Variants in STKLD1 observed in about 807,000 individuals in gnomAD.
STKLD1 encodes serine/threonine kinase like domain containing 1, also known as serine/threonine kinase-like domain-containing protein STKLD1.
STKLD1 carries 79 observed loss-of-function variants against 80.4 expected under a neutral mutation model. That is an observed-to-expected ratio of 0.98 (90% CI 0.82 to 1.19). The LOEUF (loss-of-function observed/expected upper bound fraction) is 1.19, where lower values mean the gene tolerates loss of function less well. Among genes scored for constraint, STKLD1 ranks in the 50% most tolerant of loss-of-function variants. The pLI, the probability that STKLD1 is intolerant of heterozygous loss-of-function variation, is 0.00. For missense variants in STKLD1, 841 were observed against 856.0 expected, an observed-to-expected ratio of 0.98 and a Z score of 0.22; for synonymous variants, 393 against 357.6, an observed-to-expected ratio of 1.10 and a Z score of -1.12.
rs911691100 is a variant in STKLD1 at position 133,389,767 on chromosome 9, G to A, written c.467+171G>A. 2.0e-5 allele frequency among the ~76,000 whole-genome samples: 3 copies of A among 152,228 alleles called. No individual in the cohort carries two copies. Among genetic ancestry groups the A allele is most frequent in the South Asian group, 4.1e-4 (2 of 4,834 alleles). On this transcript the variant is annotated intron_variant, in intron 6 of 17. Transcript: ENST00000371957. This position sits in a 1 kb window ranked among gnomAD's most constrained non-coding sequence, Gnocchi z 6.4. ...AGAGCTCCTCCCGGGCTTGAAAGAG[G>A]CTCTTCCAAGTGGTCTCAAGCCATG...
chr9:133,403,976 C>T lies in STKLD1; in HGVS notation c.1660C>T (p.Arg554Trp), dbSNP rs200455830. The T allele has an allele frequency of 1.5e-5, 24 of 1,611,370 alleles. No individual in the cohort carries two copies. The highest frequency in any genetic ancestry group is 3.3e-5 in the South Asian group (3 of 90,852). Residue 554 changes from arginine (R) to tryptophan (W), a missense_variant, in exon 16 of 18, where the codon CGG (arginine) becomes TGG (tryptophan). Coordinates refer to ENST00000371957, the MANE Select transcript of STKLD1 (RefSeq NM_153710.5). ...GGTGGCGCTGCTCCTGCAAAGCATC[C>T]GGCTGTGCCAGGACAGAGCCCTGCT... ...QVVALLLQSI[R>W]LCQDRALLVN...
Position 133,397,307 on chromosome 9 carries a change from A to C in STKLD1, c.997+13A>C. The C allele has an allele frequency of 6.2e-7, 1 of 1,612,550 alleles. No homozygotes were observed. The highest frequency in any genetic ancestry group is 8.5e-7 in the Non-Finnish European group (1 of 1,179,934). On this transcript the variant is annotated intron_variant, in intron 10 of 17. Coordinates refer to ENST00000371957, the MANE Select transcript of STKLD1 (RefSeq NM_153710.5). Reference sequence around the variant, plus strand: ...GCCAGCATTTTAGGTGATGCTGGGGACACAAAGGGGGAGCGTGCCCTGAAG... The same window carrying C: ...GCCAGCATTTTAGGTGATGCTGGGGCCACAAAGGGGGAGCGTGCCCTGAAG...
Position 133,390,387 on chromosome 9 carries a change from A to G in STKLD1, c.468-294A>G, listed in dbSNP as rs2130286517. ...GATATCTAAGGAGGTGAATGTGTCA[A>G]TTAAGGGGCCTCTTCGGAGTGCTGG... On this transcript the variant is annotated intron_variant, in intron 6 of 17. Transcript: ENST00000371957. The surrounding 1 kb of genome is among the most constrained non-coding windows in gnomAD (Gnocchi z 5.1). Among the ~76,000 whole-genome samples the G allele has an allele frequency of 6.6e-6, 1 of 152,308 alleles. No individual in the cohort carries two copies. The highest frequency in any genetic ancestry group is 2.4e-5 in the African/African-American group (1 of 41,560).
In STKLD1 at chr9:133,377,316, G is replaced by A. The variant is rs2130253421; in HGVS notation, c.87+756G>A. Among the ~76,000 whole-genome samples the A allele has an allele frequency of 9.9e-5, 15 of 152,198 alleles. No individual in the cohort carries two copies. In the South Asian group the frequency reaches 3.1e-3, roughly 32 times the overall value. On this transcript the variant is annotated intron_variant, in intron 1 of 17. Coordinates refer to ENST00000371957, the MANE Select transcript of STKLD1 (RefSeq NM_153710.5). ...GCTCCATTTTACTGTTTAATTTGCT[G>A]CCTAAGCTTGAACGCTCTCACACCA... is the stretch of plus-strand genomic sequence containing the variant.
intron 7 of STKLD1, chr9:133,393,955 G>T: frequency 3.7e-6 from 1 of 270,596 alleles, no homozygotes. Context: ...GTTTAGAGGG[G>T]TGCACAGTTT....
In STKLD1 at chr9:133,397,865, G is replaced by C. The variant is rs369488383; in HGVS notation, c.998-107G>C. The C allele has an allele frequency of 6.1e-6, 5 of 820,668 alleles. No homozygotes were observed. In the African/African-American group the frequency reaches 6.8e-5, roughly 11 times the overall value. The allele number at this position is 820,668 out of a possible 1,614,324, so 50.8% of individuals were successfully genotyped here. On this transcript the variant is annotated intron_variant, in intron 10 of 17. Coordinates refer to ENST00000371957, the MANE Select transcript of STKLD1 (RefSeq NM_153710.5). ...CCTCTCATCCTGAACCTGTGGATCT[G>C]AGGAGGGGATGCACACACAGCAGCC...
chr9:133,398,132 G>A, intron 11 of STKLD1, 77 bp downstream of exon 11: 2 of 1,432,904 alleles, frequency 1.4e-6, no homozygotes, highest in Admixed American at 1.9e-5. Flanking sequence ...GGGGAGCTGA[G>A]GCTGGCCCTC....
At chr9:133,395,004 T>A (rs1053460631) in intron 8 of STKLD1, among the ~76,000 whole-genome samples, 1 of 152,140 alleles carries the variant, frequency 6.6e-6, no homozygotes, top group Admixed American at 6.5e-5. Context: ...TGTCGCTTCC[T>A]ATCCTCTATA....
chr9:133,384,060 G>C lies in STKLD1; in HGVS notation c.219+160G>C. The stretch of plus-strand genomic sequence containing the variant: ...TCAGCTGTGAAGCCAGCAGCCCCAG[G>C]TCATGAAGGGAGTCCATGCCCCAAA... On this transcript the variant is annotated intron_variant, in intron 3 of 17. Transcript: ENST00000371957. The surrounding 1 kb of genome is among the most constrained non-coding windows in gnomAD (Gnocchi z 4.3). 1 of 656,426 alleles carries C rather than the reference G, an allele frequency of 1.5e-6. No homozygotes were observed. The highest frequency in any genetic ancestry group is 2.7e-5 in the East Asian group (1 of 37,240). The allele number at this position is 656,426 out of a possible 1,614,324, so 40.7% of individuals were successfully genotyped here. A position where few individuals can be genotyped will look rare whatever the true frequency, so the allele number is the denominator to read the frequency against.
intron 9 of STKLD1, chr9:133,395,965 G>A: frequency 1.9e-6 from 1 of 533,848 alleles, no homozygotes; most frequent in South Asian, 2.7e-5. Flanking sequence ...AATGTACGGT[G>A]GAGTGAGCAG....
intron 2 of STKLD1, among the ~76,000 whole-genome samples, chr9:133,379,683 G>A (rs889618229): frequency 6.6e-6 from 1 of 152,246 alleles, no homozygotes; most frequent in African/African-American, 2.4e-5. Flanking sequence ...CAGGGCATGG[G>A]GAGGTGTAGG....
At position 133,385,179 on chromosome 9, in the gene STKLD1, C is replaced by T. The variant is rs1463196457; in HGVS notation, c.220-438C>T. Among the ~76,000 whole-genome samples the T allele has an allele frequency of 6.6e-6, 1 of 152,240 alleles. No homozygotes were observed. The highest frequency in any genetic ancestry group is 2.4e-5 in the African/African-American group (1 of 41,456). ...CTCCATGTCTCTAAGGCAGCCCTATCTGCTCCTGTTTGGGCATGTTTCAAA... is the reference window on the plus strand; with the variant it reads ...CTCCATGTCTCTAAGGCAGCCCTATTTGCTCCTGTTTGGGCATGTTTCAAA... On this transcript the variant is annotated intron_variant, in intron 3 of 17. Transcript: ENST00000371957. The surrounding 1 kb of genome is among the most constrained non-coding windows in gnomAD (Gnocchi z 4.9).
At chr9:133,396,338 G>C (rs958162852) in intron 9 of STKLD1, among the ~76,000 whole-genome samples, 1 of 152,224 alleles carries the variant, frequency 6.6e-6, no homozygotes, top group Non-Finnish European at 1.5e-5. Context: ...GGGAGGCTGA[G>C]GCAGGAGGAT....
chr9:133,387,905 G>A, intron 5 of STKLD1: 1 of 476,346 alleles, frequency 2.1e-6, no homozygotes, highest in Non-Finnish European at 4.2e-6. Context: ...GCCTGCTGTT[G>A]TGAGCCCCGC....
At chr9:133,404,954 C>T (rs369709313) in intron 17 of STKLD1, 25 bp downstream of exon 17, 8 of 1,609,792 alleles carry the variant, frequency 5.0e-6, no homozygotes, top group Non-Finnish European at 6.8e-6. Flanking sequence ...TCACCTCACA[C>T]TCCCTAGAGC....
chr9:133,404,452 A>G (rs76238963), intron 16 of STKLD1, among the ~76,000 whole-genome samples: 1 of 152,146 alleles, frequency 6.6e-6, no homozygotes, highest in African/African-American at 2.4e-5. Context: ...CTCGGCCCAC[A>G]GCACAGTCCT....
At position 133,401,741 on chromosome 9, in the gene STKLD1, T is replaced by A; in HGVS notation, c.1202T>A (p.Leu401Gln). 1 of 1,612,176 alleles carries A rather than the reference T, an allele frequency of 6.2e-7. No homozygotes were observed. The highest frequency in any genetic ancestry group is 8.5e-7 in the Non-Finnish European group (1 of 1,179,742). The change falls in exon 13 of 18, where the codon CTG becomes CAG. Residue 401 changes from leucine (L) to glutamine (Q), a missense_variant. Leu to Gln is a moderately radical substitution (Grantham distance 113). Transcript: ENST00000371957. ...SLLLHLLGQA[L>Q]VHHPEAKAPC... The stretch of plus-strand genomic sequence containing the variant: ...CGTCTTCCTCTGGCTTGAGCAGCGC[T>A]GGTGCACCACCCGGAAGCCAAGGCT...
In STKLD1 at chr9:133,389,597, G is replaced by A. The variant is rs2130284614; in HGVS notation, c.467+1G>A. 8.1e-6 allele frequency: 13 copies of A among 1,613,418 alleles called. No individual in the cohort carries two copies. The African/African-American group carries it at 1.1e-4, about 13-fold the overall frequency. ...TGCACCATTTGGACATCATCCACAGGTAAGTGGGGCCCCTGACCTCTGCGG... is the reference window on the plus strand; with the variant it reads ...TGCACCATTTGGACATCATCCACAGATAAGTGGGGCCCCTGACCTCTGCGG... On this transcript the variant is annotated splice_donor_variant, in intron 6 of 17. Coordinates refer to ENST00000371957, the MANE Select transcript of STKLD1 (RefSeq NM_153710.5). LOFTEE classifies it high-confidence loss of function. The surrounding 1 kb of genome is among the most constrained non-coding windows in gnomAD (Gnocchi z 6.4).
rs981022773 is a variant in STKLD1 at position 133,394,558 on chromosome 9, G to A, written c.702+149G>A. The A allele has an allele frequency of 1.5e-6, 1 of 663,496 alleles. No individual in the cohort carries two copies. Among genetic ancestry groups the A allele is most frequent in the African/African-American group, 1.8e-5 (1 of 56,092 alleles). 41.1% of individuals were successfully genotyped at this position (663,496 alleles called of 1,614,324 possible). ...CAGAGCCCTCTTCTCCACCTGCGAG[G>A]GGCCTGCCCTCCTCAGAACCCCTCA... is the stretch of plus-strand genomic sequence containing the variant. On this transcript the variant is annotated intron_variant, in intron 8 of 17. Coordinates refer to ENST00000371957, the MANE Select transcript of STKLD1 (RefSeq NM_153710.5). This position sits in a 1 kb window ranked among gnomAD's most constrained non-coding sequence, Gnocchi z 4.9.
Sources: allele counts gnomAD v4.1 joint callset (sites outside exome capture counted in the v4.1 genomes callset), GRCh38; gene constraint gnomAD v4.1.1; non-coding constraint Gnocchi (gnomAD v3.1); transcripts MANE v1.5; gene names NCBI Gene and HGNC (gene_info 2026-07-23, HGNC 2026-07-21).